The following TP63 variants were observed in gnomAD, a reference collection of about 807,000 sequenced individuals.
TP63 encodes the protein tumor protein 63.
TP63 carries 17 observed loss-of-function variants against 82.8 expected under a neutral mutation model. That is an observed-to-expected ratio of 0.21 (90% CI 0.14 to 0.31). The LOEUF (loss-of-function observed/expected upper bound fraction) is 0.31, where lower values mean the gene tolerates loss of function less well. Ranked by LOEUF, TP63 falls within the 10% of genes least tolerant of loss-of-function variation. The pLI is 1.00. For missense variants in TP63, 648 were observed against 895.3 expected, an observed-to-expected ratio of 0.72 and a Z score of 3.52; for synonymous variants, 330 against 321.7, an observed-to-expected ratio of 1.03 and a Z score of -0.28.
In TP63 at chr3:189,864,304, C is replaced by G; in HGVS notation, c.652C>G (p.Pro218Ala). 1 of 1,614,178 alleles carries G rather than the reference C, an allele frequency of 6.2e-7. No homozygotes were observed. Among genetic ancestry groups the G allele is most frequent in the Non-Finnish European group, 8.5e-7 (1 of 1,180,010 alleles). ...CCCCATCCAGATCAAGGTGATGACC[C>G]CACCTCCTCAGGGAGCTGTTATCCG... ...TCPIQIKVMT[P>A]PPQGAVIRAM... is the part of the protein sequence containing the mutation. Residue 218 changes from proline (P) to alanine (A), a missense_variant, in exon 5 of 14, where the codon CCA becomes GCA. By Grantham distance (27) the Pro-to-Ala change is conservative (BLOSUM62 -1). Coordinates refer to ENST00000264731, the MANE Select transcript of TP63 (RefSeq NM_003722.5).
intron 10 of TP63, among the ~76,000 whole-genome samples, chr3:189,875,639 A>ATAT (rs1719121166): frequency 2.2e-5 from 1 of 44,742 alleles, no homozygotes; most frequent in Non-Finnish European, 4.8e-5. Flanking sequence ...TATATATATA[A>ATAT]ACTATTCTTA....
chr3:189,808,619 G>T, intron 4 of TP63, 93 bp downstream of exon 4: 2 of 1,598,074 alleles, frequency 1.3e-6, no homozygotes, highest in East Asian at 2.2e-5. Flanking sequence ...CCAGTTTAGC[G>T]ATTCCATGTT....
chr3:189,715,699 T>C (rs780209052), intron 1 of TP63, among the ~76,000 whole-genome samples: 2 of 152,236 alleles, frequency 1.3e-5, no homozygotes, highest in African/African-American at 4.8e-5. Flanking sequence ...AGAATTTGGA[T>C]ACTGTACATA....
Position 189,738,143 on chromosome 3 carries a change from A to C in TP63, c.191+275A>C, listed in dbSNP as rs75754687. 0.012 allele frequency among the ~76,000 whole-genome samples: 1,866 copies of C among 152,340 alleles called. 43 individuals carry two copies. The highest frequency in any genetic ancestry group is 0.043 in the African/African-American group (1,772 of 41,568). On this transcript the variant is annotated intron_variant, in intron 2 of 13. Transcript: ENST00000264731. Reference sequence around the variant, plus strand: ...CTTCCCCAATGTTTCTCTGATACTCAGAATCCATTCCTTTGGCTTGAAGAC... The same window carrying C: ...CTTCCCCAATGTTTCTCTGATACTCCGAATCCATTCCTTTGGCTTGAAGAC...
intron 3 of TP63, among the ~76,000 whole-genome samples, chr3:189,781,800 A>G (rs1273903830): frequency 6.6e-6 from 1 of 152,194 alleles, no homozygotes; most frequent in Admixed American, 6.5e-5. Flanking sequence ...CTATAAAATT[A>G]GCTGCCTCAC....
intron 1 of TP63, among the ~76,000 whole-genome samples, chr3:189,705,841 A>G (rs1404083580): frequency 6.6e-6 from 1 of 152,160 alleles, no homozygotes; most frequent in East Asian, 1.9e-4. Flanking sequence ...GCCACCTTAA[A>G]TTGCTTATTA....
upstream of TP63, among the ~76,000 whole-genome samples, chr3:189,626,858 GT>G (rs557954977): frequency 6.6e-6 from 1 of 151,752 alleles, no homozygotes; most frequent in Non-Finnish European, 1.5e-5. Context: ...GAGATGTGTG[GT>G]TTTTTTTCCA....
Position 189,896,359 on chromosome 3 carries a change from T to C in TP63, c.*1857T>C. The C allele has an allele frequency of 4.9e-6, 1 of 204,900 alleles. No homozygotes were observed. The highest frequency in any genetic ancestry group is 7.4e-5 in the East Asian group (1 of 13,444). 12.7% of individuals were successfully genotyped at this position (204,900 alleles called of 1,614,324 possible). On this transcript the variant is annotated 3_prime_UTR_variant, in exon 14 of 14. Transcript: ENST00000264731. ...AAACCTTTTTTTATCGTTTTTGTATTTTCATGAAAATACCATTTAGTAAGA... is the reference window on the plus strand; with the variant it reads ...AAACCTTTTTTTATCGTTTTTGTATCTTCATGAAAATACCATTTAGTAAGA...
chr3:189,677,928 T>A (rs1715588966), intron 1 of TP63, among the ~76,000 whole-genome samples: 1 of 152,070 alleles, frequency 6.6e-6, no homozygotes, highest in South Asian at 2.1e-4. Context: ...CTTTGCCCGT[T>A]TTTTCAATTG....
intron 1 of TP63, among the ~76,000 whole-genome samples, chr3:189,654,801 C>T (rs1399192738): frequency 6.6e-6 from 1 of 152,166 alleles, no homozygotes; most frequent in Admixed American, 6.5e-5. Context: ...ATAAAATCTC[C>T]TGGCTCAACT....
intron 3 of TP63, among the ~76,000 whole-genome samples, chr3:189,771,935 C>G (rs911812510): frequency 6.6e-6 from 1 of 150,626 alleles, no homozygotes; most frequent in East Asian, 2.0e-4. Context: ...CAATGGGATT[C>G]GATAGCATTT....
At position 189,694,790 on chromosome 3, in the gene TP63, C is replaced by CTTTTTTTTTTTTTTTTTTTTTTTTTTTT. The variant is rs71175304; in HGVS notation, c.63-42944_63-42917dup. ...TTGAAAGGAGGCCAGTATTTACAGC[C>CTTTTTTTTTTTTTTTTTTTTTTTTTTTT]TTTTTTTTTTTTTTTTTTTTTTTTT... is the stretch of plus-strand genomic sequence containing the variant. On this transcript the variant is annotated intron_variant, in intron 1 of 13. Coordinates refer to ENST00000264731, the MANE Select transcript of TP63 (RefSeq NM_003722.5). Among the ~76,000 whole-genome samples, 5 of 32,756 alleles carry CTTTTTTTTTTTTTTTTTTTTTTTTTTTT rather than the reference C, an allele frequency of 1.5e-4. 1 individual carries two copies. Among genetic ancestry groups the CTTTTTTTTTTTTTTTTTTTTTTTTTTTT allele is most frequent in the Non-Finnish European group, 2.2e-4 (4 of 18,488 alleles). 21.5% of individuals were successfully genotyped at this position (32,756 alleles called of 152,430 possible).
intron 1 of TP63, among the ~76,000 whole-genome samples, chr3:189,671,030 G>T (rs1714844177): frequency 6.6e-6 from 1 of 151,998 alleles, no homozygotes; most frequent in African/African-American, 2.4e-5. Context: ...AAAGACAAAT[G>T]AGAATATCTC....
chr3:189,647,967 G>C (rs4686521), intron 1 of TP63, among the ~76,000 whole-genome samples: 66,130 of 146,326 alleles, frequency 0.45, 19,092 homozygotes, highest in Middle Eastern at 0.66. Context: ...TCGTAACTAA[G>C]ATTAAAGATT....
At chr3:189,674,088 T>C (rs544296697) in intron 1 of TP63, among the ~76,000 whole-genome samples, 10 of 152,258 alleles carry the variant, frequency 6.6e-5, no homozygotes, top group African/African-American at 2.2e-4. Flanking sequence ...ATTTAGCCTT[T>C]TATTTACTAA....
At chr3:189,811,167 C>G (rs1577010891) in intron 4 of TP63, among the ~76,000 whole-genome samples, 1 of 152,166 alleles carries the variant, frequency 6.6e-6, no homozygotes, top group African/African-American at 2.4e-5. Flanking sequence ...GTCACTTGAT[C>G]TTTCTAAAAT....
chr3:189,707,899 G>A (rs1387052922), intron 1 of TP63, among the ~76,000 whole-genome samples: 1 of 152,064 alleles, frequency 6.6e-6, no homozygotes, highest in East Asian at 1.9e-4. Context: ...TATTTATGTG[G>A]CATTGTACAT....
At chr3:189,665,225 G>C (rs115192865) in intron 1 of TP63, among the ~76,000 whole-genome samples, 50 of 152,180 alleles carry the variant, frequency 3.3e-4, no homozygotes, top group African/African-American at 1.2e-3. Flanking sequence ...TGGCCATGTT[G>C]GGAGTATTTA....
chr3:189,603,375 T>TTTCTTC, the TP63 span, among the ~76,000 whole-genome samples: 5 of 152,076 alleles, frequency 3.3e-5, no homozygotes, highest in Non-Finnish European at 5.9e-5. Context: ...TGGGTTCTGT[T>TTTCTTC]TTCTTCTTCT....
Sources: allele counts gnomAD v4.1 joint callset (sites outside exome capture counted in the v4.1 genomes callset), GRCh38; gene constraint gnomAD v4.1.1; transcripts MANE v1.5; gene names NCBI Gene and HGNC (gene_info 2026-07-23, HGNC 2026-07-21).